The following TRIP4 variants were observed in gnomAD, a reference collection of about 807,000 sequenced individuals.
The protein encoded by TRIP4 is activating signal cointegrator 1.
TRIP4 carries 54 observed loss-of-function variants against 81.8 expected under a neutral mutation model. The ratio of observed to expected loss-of-function variants is 0.66; its 90% CI spans 0.53 to 0.83. TRIP4 has a LOEUF of 0.83. Among genes scored for constraint, TRIP4 ranks in the 40% least tolerant of loss-of-function variants. The probability of loss-of-function intolerance (pLI) is 0.00; values close to 1 mark genes in which losing one functional copy is unlikely to be tolerated. For missense variants in TRIP4, 662 were observed against 683.6 expected (o/e 0.97, Z 0.35); for synonymous variants, 270 against 242.8 (o/e 1.11, Z -1.04).
chr15:64,409,966 T>TA (rs1257192460), intron 7 of TRIP4, 138 bp downstream of exon 7: 287 of 701,778 alleles, frequency 4.1e-4, no homozygotes, highest in Middle Eastern at 8.8e-4. Context: ...TAAGAATAGC[T>TA]AAGAAAAAAT....
At chr15:64,451,301 C>T (rs1457794551) in intron 12 of TRIP4, among the ~76,000 whole-genome samples, 2 of 151,334 alleles carry the variant, frequency 1.3e-5, no homozygotes, top group African/African-American at 4.9e-5. Flanking sequence ...TTAGTAGAGA[C>T]GGGGTTTCGC....
intron 5 of TRIP4, among the ~76,000 whole-genome samples, chr15:64,402,315 C>A (rs1454549345): frequency 1.4e-5 from 2 of 147,610 alleles, no homozygotes; most frequent in Non-Finnish European, 3.0e-5. Context: ...CTTCGCCTCC[C>A]AGGTTCAAGC....
chr15:64,396,824 T>C (rs534906668), intron 3 of TRIP4, among the ~76,000 whole-genome samples: 4 of 152,388 alleles, frequency 2.6e-5, no homozygotes, highest in South Asian at 2.1e-4. Flanking sequence ...AACATGCATA[T>C]GTTCAACTTC....
At chr15:64,410,470 A>G (rs1420877608) in intron 7 of TRIP4, among the ~76,000 whole-genome samples, 1 of 152,218 alleles carries the variant, frequency 6.6e-6, no homozygotes, top group African/African-American at 2.4e-5. Context: ...TTAGTAATCA[A>G]TAAAGCTAAC....
chr15:64,435,116 C>T (rs1263003208), intron 11 of TRIP4, among the ~76,000 whole-genome samples: 1 of 143,228 alleles, frequency 7.0e-6, no homozygotes, highest in Non-Finnish European at 1.5e-5. Flanking sequence ...CTAAGGAGGC[C>T]GAGGTGGGAG....
intron 7 of TRIP4, 115 bp from the exon 8 acceptor site, chr15:64,413,970 T>G (rs1310636227): frequency 4.2e-5 from 51 of 1,215,888 alleles, no homozygotes; most frequent in Admixed American, 7.0e-5. Context: ...AGGTCATCCA[T>G]AGACTCCTCT....
At chr15:64,453,556 G>A (rs1892819676) in intron 12 of TRIP4, among the ~76,000 whole-genome samples, 1 of 152,120 alleles carries the variant, frequency 6.6e-6, no homozygotes, top group Non-Finnish European at 1.5e-5. Flanking sequence ...GGCAGCATAA[G>A]GGATAAAAGA....
intron 7 of TRIP4, among the ~76,000 whole-genome samples, chr15:64,413,403 C>G (rs988811969): frequency 6.6e-6 from 1 of 152,028 alleles, no homozygotes; most frequent in African/African-American, 2.4e-5. Flanking sequence ...TCTCAAACTC[C>G]TGGCCTCAAG....
intron 9 of TRIP4, among the ~76,000 whole-genome samples, chr15:64,423,084 G>A (rs1283586567): frequency 2.0e-5 from 3 of 152,144 alleles, no homozygotes; most frequent in African/African-American, 7.2e-5. Context: ...AAATTCTCCT[G>A]AATACATTCT....
chr15:64,418,404 G>T, intron 8 of TRIP4, 137 bp from the exon 9 acceptor site: 1 of 999,296 alleles, frequency 1.0e-6, no homozygotes, highest in Non-Finnish European at 1.4e-6. Context: ...GAGCCACGAT[G>T]CCCGGCCTGG....
At chr15:64,450,136 G>A (rs1383346792) in intron 12 of TRIP4, among the ~76,000 whole-genome samples, 2 of 151,732 alleles carry the variant, frequency 1.3e-5, no homozygotes, top group African/African-American at 4.8e-5. Context: ...GCTCACGCCT[G>A]TAATCCCAGC....
intron 8 of TRIP4, among the ~76,000 whole-genome samples, chr15:64,417,124 C>T (rs994672284): frequency 6.6e-6 from 1 of 152,192 alleles, no homozygotes; most frequent in Non-Finnish European, 1.5e-5. Context: ...CCTCCCATCT[C>T]AGCTTCTCAA....
chr15:64,420,766 T>C (rs1891994667), intron 9 of TRIP4, among the ~76,000 whole-genome samples: 1 of 151,580 alleles, frequency 6.6e-6, no homozygotes, highest in African/African-American at 2.4e-5. Context: ...TCTCCTGATC[T>C]TGTGATCTGC....
intron 1 of TRIP4, among the ~76,000 whole-genome samples, chr15:64,391,121 G>A (rs2067484093): frequency 6.6e-6 from 1 of 151,832 alleles, no homozygotes; most frequent in African/African-American, 2.4e-5. Context: ...TTATATGAGT[G>A]GACTGAATTT....
intron 11 of TRIP4, among the ~76,000 whole-genome samples, chr15:64,436,373 C>A (rs1352798243): frequency 6.6e-6 from 1 of 151,894 alleles, no homozygotes; most frequent in East Asian, 1.9e-4. Flanking sequence ...GCGGGCAGAT[C>A]ACGAGGTCAG....
At chr15:64,395,925 T>C (rs200870498) in intron 3 of TRIP4, among the ~76,000 whole-genome samples, 3 of 112,586 alleles carry the variant, frequency 2.7e-5, no homozygotes, top group Non-Finnish European at 6.1e-5. Context: ...TTTTTTTTTT[T>C]TGAGACAGAG....
intron 11 of TRIP4, among the ~76,000 whole-genome samples, chr15:64,441,205 C>T (rs1356535090): frequency 6.6e-6 from 1 of 151,720 alleles, no homozygotes; most frequent in Non-Finnish European, 1.5e-5. Context: ...ACAGTTTTAG[C>T]CAGGATGGTC....
chr15:64,445,524 A>ACCTGTAGTGCCTGTAGCG (rs1321449941), intron 12 of TRIP4, among the ~76,000 whole-genome samples: 19 of 151,434 alleles, frequency 1.3e-4, no homozygotes, highest in African/African-American at 4.6e-4. Flanking sequence ...CGCCTGTAGC[A>ACCTGTAGTGCCTGTAGCG]CCTGTAGTGC....
At chr15:64,432,714 A>G (rs1051711498) in intron 11 of TRIP4, among the ~76,000 whole-genome samples, 8 of 151,942 alleles carry the variant, frequency 5.3e-5, no homozygotes, top group African/African-American at 1.9e-4. Flanking sequence ...GATCAAGACT[A>G]TCCTGGCTAA....
Sources: allele counts gnomAD v4.1 joint callset (sites outside exome capture counted in the v4.1 genomes callset), GRCh38; gene constraint gnomAD v4.1.1; transcripts MANE v1.5; gene names NCBI Gene and HGNC (gene_info 2026-07-23, HGNC 2026-07-21).